The following MOB1B variants were observed in gnomAD, a reference collection of about 807,000 sequenced individuals.
MOB1B encodes the protein MOB kinase activator 1B.
A neutral mutation model predicts 24.4 loss-of-function variants in MOB1B; 19 were observed. The observed-to-expected ratio is 0.78, with a 90% CI of 0.54 to 1.14. The LOEUF (loss-of-function observed/expected upper bound fraction) is 1.14, where lower values mean the gene tolerates loss of function less well. Among genes scored for constraint, MOB1B ranks in the 50% most tolerant of loss-of-function variants. The pLI is 0.00. For synonymous variants in MOB1B, 76 were observed against 82.1 expected, an observed-to-expected ratio of 0.93 and a Z score of 0.40; for missense variants, 243 against 259.6, an observed-to-expected ratio of 0.94 and a Z score of 0.44.
rs539140171 is a variant in MOB1B at position 70,917,880 on chromosome 4, A to C, written c.14+15330A>C. Among the ~76,000 whole-genome samples the C allele has an allele frequency of 6.6e-5, 10 of 152,338 alleles. No individual in the cohort carries two copies. The East Asian group carries it at 1.9e-3, about 29-fold the overall frequency. On this transcript the variant is annotated intron_variant, in intron 1 of 5. Transcript: ENST00000309395. ...AACTATCTTAAACAGTTTCAGTATCAGTTGGTTTAAAATGAAAATTGGACA... is the reference window on the plus strand; with the variant it reads ...AACTATCTTAAACAGTTTCAGTATCCGTTGGTTTAAAATGAAAATTGGACA...
intron 5 of MOB1B, among the ~76,000 whole-genome samples, chr4:70,980,538 G>A (rs1012079648): frequency 6.6e-6 from 1 of 152,146 alleles, no homozygotes; most frequent in South Asian, 2.1e-4. Context: ...CCATTATACA[G>A]TATCACTGTT....
chr4:70,972,076 T>C (rs1242383262), intron 3 of MOB1B, among the ~76,000 whole-genome samples: 1 of 152,004 alleles, frequency 6.6e-6, no homozygotes, highest in African/African-American at 2.4e-5. Context: ...GTTGTTGTCA[T>C]AGTTCTTCAT....
intron 2 of MOB1B, among the ~76,000 whole-genome samples, chr4:70,966,433 G>A (rs1738533201): frequency 6.6e-6 from 1 of 150,788 alleles, no homozygotes; most frequent in African/African-American, 2.4e-5. Flanking sequence ...GGAGTGCAAT[G>A]GCATGATCTC....
At chr4:70,917,926 A>T (rs1414210487) in intron 1 of MOB1B, among the ~76,000 whole-genome samples, 11 of 150,692 alleles carry the variant, frequency 7.3e-5, no homozygotes, top group Non-Finnish European at 7.4e-5. Flanking sequence ...TTGATATTTA[A>T]TTTTTTTTGG....
At chr4:70,974,785 T>C (rs1321384271) in intron 3 of MOB1B, among the ~76,000 whole-genome samples, 1 of 152,198 alleles carries the variant, frequency 6.6e-6, no homozygotes, top group Non-Finnish European at 1.5e-5. Flanking sequence ...TAAGGAGAAG[T>C]GGTTTTTAAG....
At chr4:70,934,689 C>T (rs1200792144) in intron 1 of MOB1B, among the ~76,000 whole-genome samples, 9 of 152,120 alleles carry the variant, frequency 5.9e-5, no homozygotes, top group Admixed American at 5.9e-4. Flanking sequence ...CTCCTAACCT[C>T]AAGTGATTTG....
chr4:70,975,508 AGTGCTTT>A, intron 4 of MOB1B: 1 of 1,216,908 alleles, frequency 8.2e-7, no homozygotes, highest in Non-Finnish European at 1.0e-6. Flanking sequence ...CCTTTAACTT[AGTGCTTT>A]TAAATGCTTA....
At chr4:70,976,718 T>C in intron 4 of MOB1B, 2 of 857,942 alleles carry the variant, frequency 2.3e-6, no homozygotes, top group Non-Finnish European at 2.8e-6. Flanking sequence ...CTTGGAACTT[T>C]TTTAATAAAA....
intron 1 of MOB1B, among the ~76,000 whole-genome samples, chr4:70,904,868 A>G (rs1326706029): frequency 1.3e-5 from 2 of 152,018 alleles, no homozygotes; most frequent in Non-Finnish European, 2.9e-5. Flanking sequence ...GTAGAATCCT[A>G]TTTTTACATG....
At chr4:70,929,847 G>A (rs1386116609) in intron 1 of MOB1B, among the ~76,000 whole-genome samples, 5 of 151,800 alleles carry the variant, frequency 3.3e-5, no homozygotes, top group African/African-American at 4.8e-5. Context: ...GGGTTTCGCC[G>A]TGGTCTCGAT....
At chr4:70,946,831 A>G (rs903680474) in intron 1 of MOB1B, among the ~76,000 whole-genome samples, 1 of 152,130 alleles carries the variant, frequency 6.6e-6, no homozygotes, top group Non-Finnish European at 1.5e-5. Flanking sequence ...AGGAAAAAAA[A>G]GGAGGGAGGG....
chr4:70,916,856 A>G (rs1182318000), intron 1 of MOB1B, among the ~76,000 whole-genome samples: 2 of 152,234 alleles, frequency 1.3e-5, no homozygotes, highest in Non-Finnish European at 2.9e-5. Context: ...GGCATGAGCC[A>G]CTGCGCCTGG....
intron 2 of MOB1B, among the ~76,000 whole-genome samples, chr4:70,967,502 A>G (rs1472962029): frequency 6.6e-6 from 1 of 152,240 alleles, no homozygotes; most frequent in East Asian, 1.9e-4. Context: ...CTGGAAAGGA[A>G]GAAAGAATTA....
chr4:70,904,776 AG>A (rs1373350177), intron 1 of MOB1B, among the ~76,000 whole-genome samples: 4 of 149,794 alleles, frequency 2.7e-5, no homozygotes, highest in Non-Finnish European at 4.4e-5. Context: ...AAAAAAAAAA[AG>A]GTTAAAGCAG....
At chr4:70,928,102 C>A (rs1029483197) in intron 1 of MOB1B, among the ~76,000 whole-genome samples, 1 of 152,064 alleles carries the variant, frequency 6.6e-6, no homozygotes, top group African/African-American at 2.4e-5. Flanking sequence ...TTGTTAGATA[C>A]CATTTCAGTG....
chr4:70,919,164 G>C (rs1170802439), intron 1 of MOB1B, among the ~76,000 whole-genome samples: 1 of 151,958 alleles, frequency 6.6e-6, no homozygotes, highest in African/African-American at 2.4e-5. Flanking sequence ...GTTGTGGGGT[G>C]GGGGGAGCGG....
rs147151967 is a variant in MOB1B, at chr4:70,939,384, A to C, written c.15-19490A>C. On this transcript the variant is annotated intron_variant, in intron 1 of 5. Transcript: ENST00000309395. Reference sequence around the variant, plus strand: ...GAATAACTGATTTAATGTCCCTAAGAAAACCCAATCCTAGTCTGGGTGCAG... The same window carrying C: ...GAATAACTGATTTAATGTCCCTAAGCAAACCCAATCCTAGTCTGGGTGCAG... Among the ~76,000 whole-genome samples, 9 of 152,324 alleles carry C rather than the reference A, an allele frequency of 5.9e-5. No individual in the cohort carries two copies. In the East Asian group the frequency reaches 1.7e-3, roughly 29 times the overall value.
intron 1 of MOB1B, among the ~76,000 whole-genome samples, chr4:70,929,086 T>C (rs1460927542): frequency 6.6e-6 from 1 of 152,202 alleles, no homozygotes; most frequent in Non-Finnish European, 1.5e-5. Context: ...TCTTGGACTT[T>C]TAAAATTAAT....
At chr4:70,958,484 T>C (rs1256972370) in intron 1 of MOB1B, among the ~76,000 whole-genome samples, 7 of 152,140 alleles carry the variant, frequency 4.6e-5, no homozygotes, top group Non-Finnish European at 1.0e-4. Context: ...AGCTTTTTTT[T>C]CTTGTTCCAG....
Sources: gnomAD v4.1 joint callset for allele counts (sites outside exome capture counted in the v4.1 genomes callset) on GRCh38, gnomAD v4.1.1 for gene constraint, MANE v1.5 for transcripts, NCBI Gene and HGNC (gene_info 2026-07-23, HGNC 2026-07-21) for gene names.